MYO16: variants seen among roughly 807,000 people sequenced by gnomAD.
MYO16 encodes unconventional myosin-XVI.
MYO16 carries 94 observed loss-of-function variants against 205.3 expected under a neutral mutation model. The ratio of observed to expected loss-of-function variants is 0.46; its 90% CI spans 0.39 to 0.54. The LOEUF is 0.54. MYO16 is among the 20% of genes least tolerant of loss of function. The pLI is 0.00. For missense variants in MYO16, 2,315 were observed against 2,387.5 expected (o/e 0.97, Z 0.63); for synonymous variants, 988 against 954.0 (o/e 1.04, Z -0.66).
intron 21 of MYO16, among the ~76,000 whole-genome samples, chr13:108,998,650 C>G (rs111756963): frequency 3.3e-5 from 5 of 152,162 alleles, no homozygotes; most frequent in African/African-American, 1.2e-4. Flanking sequence ...CATACGGAGA[C>G]AGATTGTCTC....
At chr13:108,638,700 G>A (rs1178213549) in intron 1 of MYO16, among the ~76,000 whole-genome samples, 2 of 152,054 alleles carry the variant, frequency 1.3e-5, no homozygotes, top group Admixed American at 6.5e-5. Context: ...ATTCTGCTAT[G>A]CACTCAGTTT....
chr13:108,582,463 T>C, the MYO16 span, among the ~76,000 whole-genome samples: 2 of 151,426 alleles, frequency 1.3e-5, no homozygotes, highest in Non-Finnish European at 3.0e-5. Context: ...GAGTGGCAGG[T>C]GGCACAACCC....
At chr13:108,570,672 T>G in the MYO16 span, among the ~76,000 whole-genome samples, 1 of 152,238 alleles carries the variant, frequency 6.6e-6, no homozygotes, top group Non-Finnish European at 1.5e-5. Flanking sequence ...CTGAAATACC[T>G]TGTACTTTCT....
At chr13:108,687,067 G>A (rs989838125) in intron 2 of MYO16, among the ~76,000 whole-genome samples, 9 of 152,156 alleles carry the variant, frequency 5.9e-5, no homozygotes, top group East Asian at 1.9e-4. Context: ...ATTTAAAAGG[G>A]AGCTATATAA....
chr13:109,198,259 T>C (rs1880244411), intron 34 of MYO16, among the ~76,000 whole-genome samples: 1 of 152,130 alleles, frequency 6.6e-6, no homozygotes, highest in African/African-American at 2.4e-5. Flanking sequence ...TAAAAAGATA[T>C]CATGAATATA....
chr13:108,621,388 A>G (rs1013733885), intron 1 of MYO16, among the ~76,000 whole-genome samples: 1 of 152,150 alleles, frequency 6.6e-6, no homozygotes, highest in Non-Finnish European at 1.5e-5. Flanking sequence ...CTGCAGTCTG[A>G]AATATTAAAT....
intron 20 of MYO16, among the ~76,000 whole-genome samples, chr13:108,980,130 T>G (rs1884402912): frequency 6.6e-6 from 1 of 152,198 alleles, no homozygotes; most frequent in Non-Finnish European, 1.5e-5. Context: ...ATTAGTGTTT[T>G]CTTTCTGTTA....
intron 34 of MYO16, among the ~76,000 whole-genome samples, chr13:109,191,855 A>C (rs939637360): frequency 1.3e-5 from 2 of 152,220 alleles, no homozygotes; most frequent in African/African-American, 2.4e-5. Context: ...TGGAAACTTT[A>C]ATCTGTTCAG....
chr13:108,872,511 C>T (rs867233285), intron 12 of MYO16, among the ~76,000 whole-genome samples: 1 of 151,788 alleles, frequency 6.6e-6, no homozygotes, highest in African/African-American at 2.4e-5. Flanking sequence ...AGGAGAAACA[C>T]ATTAAGAGAC....
chr13:108,969,464 A>AG (rs1245041283), intron 20 of MYO16, among the ~76,000 whole-genome samples: 2 of 152,198 alleles, frequency 1.3e-5, no homozygotes, highest in East Asian at 3.9e-4. Flanking sequence ...ACTGATGAAC[A>AG]GGGATGCCAT....
intron 2 of MYO16, among the ~76,000 whole-genome samples, chr13:108,685,688 C>T (rs1192660702): frequency 6.6e-6 from 1 of 152,174 alleles, no homozygotes; most frequent in African/African-American, 2.4e-5. Context: ...AATACCACAG[C>T]CTGGGCAGCT....
chr13:108,752,242 C>G (rs745902576), intron 4 of MYO16, among the ~76,000 whole-genome samples: 1 of 151,958 alleles, frequency 6.6e-6, no homozygotes, highest in Non-Finnish European at 1.5e-5. Context: ...CAAGAAAGAC[C>G]AAGTCTCATT....
chr13:109,203,610 C>T (rs918915938), intron 34 of MYO16, among the ~76,000 whole-genome samples: 9 of 152,144 alleles, frequency 5.9e-5, no homozygotes, highest in Non-Finnish European at 1.0e-4. Context: ...ATTGCGAGGT[C>T]TTTGTTCCTC....
intron 1 of MYO16, among the ~76,000 whole-genome samples, chr13:108,652,570 C>G (rs911856803): frequency 6.6e-6 from 1 of 152,168 alleles, no homozygotes; most frequent in African/African-American, 2.4e-5. Context: ...CTCATCTTGC[C>G]TCAGTCCCTG....
chr13:108,960,199 C>T (rs568152946), intron 17 of MYO16, among the ~76,000 whole-genome samples: 6 of 147,876 alleles, frequency 4.1e-5, no homozygotes, highest in East Asian at 2.0e-4. Context: ...CACTTGAGCC[C>T]GGGAGGTCAA....
intron 14 of MYO16, among the ~76,000 whole-genome samples, chr13:108,896,350 A>G (rs1880411014): frequency 6.6e-6 from 1 of 152,178 alleles, no homozygotes; most frequent in Non-Finnish European, 1.5e-5. Context: ...AAGATACAAA[A>G]ACGAAGAGTT....
At chr13:108,916,513 T>C (rs1881500442) in intron 16 of MYO16, among the ~76,000 whole-genome samples, 1 of 152,246 alleles carries the variant, frequency 6.6e-6, no homozygotes, top group Admixed American at 6.5e-5. Flanking sequence ...GTCTTTATTT[T>C]GCATTGCTGA....
chr13:108,909,916 TC>T, intron 15 of MYO16, 86 bp from the exon 16 acceptor site: 2 of 1,354,990 alleles, frequency 1.5e-6, no homozygotes, highest in Non-Finnish European at 1.0e-6. Context: ...AGTCCTTGTA[TC>T]TCTTGTAATT....
At chr13:108,754,054 C>A (rs1467285839) in intron 4 of MYO16, among the ~76,000 whole-genome samples, 1 of 152,152 alleles carries the variant, frequency 6.6e-6, no homozygotes, top group Non-Finnish European at 1.5e-5. Flanking sequence ...ATGTTGCTGT[C>A]ACAGCACTCA....
Sources: gnomAD v4.1 joint callset for allele counts (sites outside exome capture counted in the v4.1 genomes callset) on GRCh38, gnomAD v4.1.1 for gene constraint, MANE v1.5 for transcripts, NCBI Gene and HGNC (gene_info 2026-07-23, HGNC 2026-07-21) for gene names.